Variants in DPYD observed in about 807,000 individuals in gnomAD.
The protein encoded by DPYD is dihydropyrimidine dehydrogenase [NADP(+)].
A neutral mutation model predicts 116.2 loss-of-function variants in DPYD; 109 were observed. The observed-to-expected ratio is 0.94, with a 90% CI of 0.80 to 1.10. DPYD has a LOEUF of 1.10. Among genes scored for constraint, DPYD ranks in the 50% least tolerant of loss-of-function variants. The pLI is 0.00. For synonymous variants in DPYD, 440 were observed against 432.0 expected (o/e 1.02, Z -0.23); for missense variants, 1,302 against 1,254.5 (o/e 1.04, Z -0.57).
chr1:97,714,513 T>C (rs1662492731), intron 5 of DPYD, among the ~76,000 whole-genome samples: 1 of 152,004 alleles, frequency 6.6e-6, no homozygotes, highest in African/African-American at 2.4e-5. Context: ...CTGGCCCATA[T>C]AGACCCCTTC....
At chr1:97,892,384 C>T (rs1672823773) in intron 1 of DPYD, among the ~76,000 whole-genome samples, 1 of 151,744 alleles carries the variant, frequency 6.6e-6, no homozygotes, top group African/African-American at 2.4e-5. Context: ...CTCCATGTCT[C>T]TCATTAGTCA....
chr1:97,282,306 T>C (rs1665378595), intron 18 of DPYD, among the ~76,000 whole-genome samples: 1 of 152,110 alleles, frequency 6.6e-6, no homozygotes, highest in Non-Finnish European at 1.5e-5. Context: ...TTTTGATATA[T>C]AAAAAATTAA....
chr1:97,754,983 C>A (rs1025993658), intron 3 of DPYD, among the ~76,000 whole-genome samples: 1 of 152,166 alleles, frequency 6.6e-6, no homozygotes, highest in Non-Finnish European at 1.5e-5. Flanking sequence ...GTCTTGTGGA[C>A]AGGCCAAGTA....
intron 20 of DPYD, among the ~76,000 whole-genome samples, chr1:97,159,082 G>A (rs1655698568): frequency 6.6e-6 from 1 of 152,030 alleles, no homozygotes; most frequent in African/African-American, 2.4e-5. Context: ...TCAAAATGAA[G>A]GGCAATCAAC....
intron 20 of DPYD, among the ~76,000 whole-genome samples, chr1:97,113,423 T>C (rs573778097): frequency 9.9e-5 from 15 of 152,206 alleles, no homozygotes; most frequent in African/African-American, 3.4e-4. Flanking sequence ...ATCCATTTCG[T>C]AGAGGAAGAA....
At chr1:97,322,088 G>T (rs1448273704) in intron 16 of DPYD, among the ~76,000 whole-genome samples, 1 of 101,404 alleles carries the variant, frequency 9.9e-6, no homozygotes, top group Admixed American at 1.2e-4. Context: ...CTGTGGTGGG[G>T]TGGGGGGAGG....
At chr1:97,374,002 G>T (rs1671451533) in intron 15 of DPYD, among the ~76,000 whole-genome samples, 1 of 152,160 alleles carries the variant, frequency 6.6e-6, no homozygotes, top group South Asian at 2.1e-4. Flanking sequence ...TAGTTATTAG[G>T]TGACACAGTA....
intron 8 of DPYD, among the ~76,000 whole-genome samples, chr1:97,629,307 G>A (rs1248875706): frequency 6.6e-6 from 1 of 152,002 alleles, no homozygotes; most frequent in East Asian, 1.9e-4. Context: ...ATAATCCCAG[G>A]AAACACCAAT....
chr1:97,819,570 A>C (rs1451838522), intron 3 of DPYD, among the ~76,000 whole-genome samples: 1 of 152,046 alleles, frequency 6.6e-6, no homozygotes, highest in African/African-American at 2.4e-5. Flanking sequence ...ACAACCTGCT[A>C]ATTTCACTGG....
At chr1:97,679,669 G>A (rs972095431) in intron 7 of DPYD, among the ~76,000 whole-genome samples, 1 of 152,086 alleles carries the variant, frequency 6.6e-6, no homozygotes, top group Non-Finnish European at 1.5e-5. Context: ...TTTCAATAGG[G>A]CCTTTAAAAG....
At chr1:97,314,715 G>T (rs906477062) in intron 16 of DPYD, among the ~76,000 whole-genome samples, 1 of 151,766 alleles carries the variant, frequency 6.6e-6, no homozygotes, top group African/African-American at 2.4e-5. Flanking sequence ...GCCACAATTT[G>T]TCCCTATGGA....
chr1:97,691,754 T>C lies in DPYD; in HGVS notation c.725A>G (p.Asn242Ser). 6.2e-7 allele frequency: 1 copy of C among 1,613,764 alleles called. No homozygotes were observed. The highest frequency in any genetic ancestry group is 8.5e-7 in the Non-Finnish European group (1 of 1,179,808). Reference protein sequence around the residue: ...PQFRLPYDVVNFEIELMKDLG... With the variant: ...PQFRLPYDVVSFEIELMKDLG... ...GTCCTTCATTAGCTCAATCTCAAAATTCACTACATCATACGGCAGCCGGAA... is the reference window on the plus strand; with the variant it reads ...GTCCTTCATTAGCTCAATCTCAAAACTCACTACATCATACGGCAGCCGGAA... Residue 242 changes from asparagine to serine, a missense_variant, in exon 7 of 23, where the codon AAT becomes AGT. Physicochemically the swap from Asn to Ser is conservative, Grantham distance 46 (BLOSUM62 1). Transcript: ENST00000370192.
intron 3 of DPYD, among the ~76,000 whole-genome samples, chr1:97,822,247 T>TATAC (rs1553246767): frequency 6.0e-5 from 9 of 148,784 alleles, no homozygotes; most frequent in African/African-American, 9.8e-5. Context: ...TATATATATA[T>TATAC]ACACACACAC....
At chr1:97,460,997 A>G (rs1676986956) in intron 13 of DPYD, among the ~76,000 whole-genome samples, 1 of 150,858 alleles carries the variant, frequency 6.6e-6, no homozygotes, top group Non-Finnish European at 1.5e-5. Flanking sequence ...AGATCGCGCC[A>G]TTGCACTCTA....
intron 20 of DPYD, among the ~76,000 whole-genome samples, chr1:97,163,974 TAAAG>T (rs1459809572): frequency 1.3e-5 from 2 of 152,020 alleles, no homozygotes; most frequent in African/African-American, 4.8e-5. Context: ...TAGTAAAAAA[TAAAG>T]AAAACTTCAG....
At chr1:97,419,402 C>T (rs1372059155) in intron 14 of DPYD, among the ~76,000 whole-genome samples, 1 of 152,144 alleles carries the variant, frequency 6.6e-6, no homozygotes, top group Non-Finnish European at 1.5e-5. Context: ...CACTTATTAC[C>T]AGGTCCTCTA....
chr1:97,821,314 A>G (rs1442424121), intron 3 of DPYD, among the ~76,000 whole-genome samples: 1 of 142,052 alleles, frequency 7.0e-6, no homozygotes, highest in African/African-American at 2.7e-5. Flanking sequence ...CTGGACAACA[A>G]GACTGAAACT....
chr1:97,567,663 A>AT (rs1275189897), intron 11 of DPYD, among the ~76,000 whole-genome samples: 1 of 152,122 alleles, frequency 6.6e-6, no homozygotes, highest in Non-Finnish European at 1.5e-5. Context: ...AATCTTAGTT[A>AT]TGTAATCCCA....
chr1:97,363,403 A>AAGG (rs779740003), intron 16 of DPYD, among the ~76,000 whole-genome samples: 2 of 152,210 alleles, frequency 1.3e-5, no homozygotes, highest in Non-Finnish European at 2.9e-5. Flanking sequence ...GCGATTTGTC[A>AAGG]AGGATCTAGA....
Sources: allele counts gnomAD v4.1 joint callset (sites outside exome capture counted in the v4.1 genomes callset), GRCh38; gene constraint gnomAD v4.1.1; transcripts MANE v1.5; gene names NCBI Gene and HGNC (gene_info 2026-07-23, HGNC 2026-07-21).